The following SLC2A9 variants were observed in gnomAD, a reference collection of about 807,000 sequenced individuals.
SLC2A9 encodes solute carrier family 2, facilitated glucose transporter member 9.
In SLC2A9, 39 loss-of-function variants were observed where a neutral mutation model predicts 50.6. The ratio of observed to expected loss-of-function variants is 0.77; its 90% CI spans 0.60 to 1.01. The LOEUF is 1.01. Among genes scored for constraint, SLC2A9 ranks in the 50% least tolerant of loss-of-function variants. The pLI is 0.00. For missense variants in SLC2A9, 686 were observed against 677.6 expected (o/e 1.01, Z -0.14); for synonymous variants, 324 against 276.9 (o/e 1.17, Z -1.69).
chr4:10,005,152 A>G (rs1201189632), intron 2 of SLC2A9, among the ~76,000 whole-genome samples: 2 of 152,260 alleles, frequency 1.3e-5, no homozygotes, highest in Non-Finnish European at 2.9e-5. Context: ...AAGTAAACAT[A>G]CAATTATAAC....
intron 2 of SLC2A9, among the ~76,000 whole-genome samples, chr4:10,004,427 A>G (rs1474421887): frequency 6.6e-6 from 1 of 152,138 alleles, no homozygotes; most frequent in Non-Finnish European, 1.5e-5. Flanking sequence ...TACAAGGGAC[A>G]TGTGTGACCT....
At chr4:9,875,139 G>GCATC (rs200234557) in intron 10 of SLC2A9, among the ~76,000 whole-genome samples, 4 of 28,188 alleles carry the variant, frequency 1.4e-4, no homozygotes, top group African/African-American at 6.5e-4. Flanking sequence ...CCATAGGTTA[G>GCATC]TGTCTAAGAT....
chr4:9,896,613 A>T (rs1253848189), intron 8 of SLC2A9, among the ~76,000 whole-genome samples: 3 of 152,240 alleles, frequency 2.0e-5, no homozygotes, highest in Non-Finnish European at 2.9e-5. Context: ...GATGAAATCC[A>T]ATGTATCATT....
intron 7 of SLC2A9, 36 bp from the exon 8 acceptor site, chr4:9,908,381 C>G: frequency 7.1e-7 from 1 of 1,399,068 alleles, no homozygotes; most frequent in Non-Finnish European, 1.0e-6. Context: ...AGAGAATGGT[C>G]AGTGGAAGGA....
chr4:9,974,490 C>A (rs1423960366), intron 5 of SLC2A9, among the ~76,000 whole-genome samples: 4 of 144,488 alleles, frequency 2.8e-5, no homozygotes, highest in Non-Finnish European at 6.0e-5. Flanking sequence ...AGAGCCAAAG[C>A]AAGAATGCAA....
intron 1 of SLC2A9, among the ~76,000 whole-genome samples, chr4:10,038,626 A>G (rs1764183259): frequency 6.6e-6 from 1 of 152,162 alleles, no homozygotes; most frequent in South Asian, 2.1e-4. Context: ...AATCAATGGA[A>G]CTACTGTGTC....
At chr4:9,797,605 A>G (rs1720743111), downstream of SLC2A9, among the ~76,000 whole-genome samples, 15 of 152,204 alleles carry the variant, frequency 9.9e-5, no homozygotes, top group Admixed American at 9.8e-4. Flanking sequence ...GGAAGATTCA[A>G]GTTATCAACT....
intron 2 of SLC2A9, among the ~76,000 whole-genome samples, chr4:10,016,632 C>T (rs1762658157): frequency 6.6e-6 from 1 of 152,002 alleles, no homozygotes. Flanking sequence ...TGGTCTTTCC[C>T]ATTAAATACC....
intron 5 of SLC2A9, among the ~76,000 whole-genome samples, chr4:9,973,583 C>G (rs1192317129): frequency 6.6e-6 from 1 of 151,674 alleles, no homozygotes; most frequent in Non-Finnish European, 1.5e-5. Context: ...AAGCTGGAAG[C>G]CATCATTCTC....
At chr4:10,022,695 G>C (rs999825203), upstream of SLC2A9, among the ~76,000 whole-genome samples, 2 of 152,206 alleles carry the variant, frequency 1.3e-5, no homozygotes, top group Admixed American at 1.3e-4. Context: ...AGTTAGCAAA[G>C]TACGTTTAGT....
intron 10 of SLC2A9, among the ~76,000 whole-genome samples, chr4:9,884,040 A>G (rs1039817341): frequency 1.3e-5 from 2 of 152,230 alleles, no homozygotes; most frequent in African/African-American, 4.8e-5. Context: ...TGGCAGAGCC[A>G]CAGCCCAGGA....
Position 9,939,346 on chromosome 4 carries a change from A to C in SLC2A9, c.814+2567T>G, listed in dbSNP as rs118123197. Among the ~76,000 whole-genome samples, 19 of 152,310 alleles carry C rather than the reference A, an allele frequency of 1.2e-4. No individual in the cohort carries two copies. The East Asian group carries it at 3.7e-3, about 29-fold the overall frequency. On this transcript the variant is annotated intron_variant, in intron 6 of 11. Transcript: ENST00000264784. ...GTGAACTGGGGCATGCTATTATCTA[A>C]AGCCAATGTGTTTTGGGTGTTTTGT...
At chr4:9,976,178 T>C (rs1294868858) in intron 5 of SLC2A9, among the ~76,000 whole-genome samples, 1 of 152,162 alleles carries the variant, frequency 6.6e-6, no homozygotes, top group Non-Finnish European at 1.5e-5. Flanking sequence ...ATGGGATAAA[T>C]TATACCCCAA....
intron 6 of SLC2A9, among the ~76,000 whole-genome samples, chr4:9,931,849 A>C (rs567418911): frequency 1.7e-3 from 255 of 146,862 alleles, no homozygotes; most frequent in African/African-American, 6.2e-3. Flanking sequence ...ACTCACTACC[A>C]CTTGAGTTGG....
At chr4:9,804,576 C>G (rs1484012839) in intron 3 of SLC2A9, among the ~76,000 whole-genome samples, 1 of 152,172 alleles carries the variant, frequency 6.6e-6, no homozygotes, top group African/African-American at 2.4e-5. Flanking sequence ...ACCTGCCTGC[C>G]TACTGTGATG....
chr4:9,945,151 A>T lies in SLC2A9; in HGVS notation c.682-3106T>A, dbSNP rs558835596. Among the ~76,000 whole-genome samples, 3 of 152,388 alleles carry T rather than the reference A, an allele frequency of 2.0e-5. No individual in the cohort carries two copies. In the South Asian group the frequency reaches 6.2e-4, roughly 32 times the overall value. ...TGAGCAGGGGCTTGCAGCCAGGATCAGGGCAACCTAGTGAGTGGCTATGGG... is the reference window on the plus strand; with the variant it reads ...TGAGCAGGGGCTTGCAGCCAGGATCTGGGCAACCTAGTGAGTGGCTATGGG... On this transcript the variant is annotated intron_variant, in intron 5 of 11. Transcript: ENST00000264784.
intron 10 of SLC2A9, among the ~76,000 whole-genome samples, chr4:9,884,754 G>T (rs1735864438): frequency 1.3e-5 from 2 of 152,078 alleles, no homozygotes; most frequent in Admixed American, 6.5e-5. Flanking sequence ...CAATAGCAAA[G>T]ACATAGAATC....
intron 3 of SLC2A9, among the ~76,000 whole-genome samples, chr4:9,785,349 T>A (rs1431577329): frequency 6.6e-6 from 1 of 152,230 alleles, no homozygotes; most frequent in African/African-American, 2.4e-5. Flanking sequence ...TCGATAGGAC[T>A]TCTTAGAGCT....
intron 10 of SLC2A9, among the ~76,000 whole-genome samples, chr4:9,869,407 C>T (rs1278099177): frequency 1.3e-5 from 2 of 152,214 alleles, no homozygotes; most frequent in Admixed American, 1.3e-4. Flanking sequence ...TGCACTTTCA[C>T]CAGCTGCTGG....
Sources: allele counts gnomAD v4.1 joint callset (sites outside exome capture counted in the v4.1 genomes callset), GRCh38; gene constraint gnomAD v4.1.1; transcripts MANE v1.5; gene names NCBI Gene and HGNC (gene_info 2026-07-23, HGNC 2026-07-21).